AOPEP: variants seen among roughly 807,000 people sequenced by gnomAD.
AOPEP encodes aminopeptidase O.
Under a neutral mutation model 98.1 loss-of-function variants are expected in AOPEP, and 77 were observed. The ratio of observed to expected loss-of-function variants is 0.78; its 90% confidence interval spans 0.65 to 0.95. The LOEUF is 0.95. Among genes scored for constraint, AOPEP ranks in the 40% least tolerant of loss-of-function variants. The pLI is 0.00. For synonymous variants in AOPEP, 346 were observed against 365.3 expected (o/e 0.95, Z 0.60); for missense variants, 1,024 against 1,024.7 (o/e 1.00, Z 0.01).
intron 5 of AOPEP, among the ~76,000 whole-genome samples, chr9:94,843,528 T>G (rs1371137397): frequency 6.6e-6 from 1 of 152,194 alleles, no homozygotes; most frequent in Admixed American, 6.5e-5. Flanking sequence ...GTGTCTGGCA[T>G]CTAGAATAGG....
intron 10 of AOPEP, among the ~76,000 whole-genome samples, chr9:94,974,518 A>T (rs953381568): frequency 6.6e-6 from 1 of 152,214 alleles, no homozygotes; most frequent in African/African-American, 2.4e-5. Context: ...ATTCACGGAG[A>T]GGGCCTTTTG....
downstream of AOPEP, among the ~76,000 whole-genome samples, chr9:95,092,014 G>A (rs995844379): frequency 6.6e-6 from 1 of 152,114 alleles, no homozygotes; most frequent in Non-Finnish European, 1.5e-5. Flanking sequence ...ACCAGGCTGT[G>A]GCCTGAGAGA....
chr9:95,108,304 A>T, the AOPEP span, among the ~76,000 whole-genome samples: 5 of 151,296 alleles, frequency 3.3e-5, no homozygotes, highest in East Asian at 7.8e-4. Flanking sequence ...GGCAGGCCTC[A>T]CTCTCCCCAC....
At chr9:94,763,662 T>C (rs1394155221) in intron 2 of AOPEP, among the ~76,000 whole-genome samples, 1 of 151,920 alleles carries the variant, frequency 6.6e-6, no homozygotes, top group Admixed American at 6.6e-5. Flanking sequence ...ACAAGATGAG[T>C]CTGGAGCATC....
chr9:94,992,030 G>A (rs2060922235), intron 11 of AOPEP, among the ~76,000 whole-genome samples: 1 of 152,216 alleles, frequency 6.6e-6, no homozygotes, highest in African/African-American at 2.4e-5. Context: ...AGTGTATCTT[G>A]ATGTACATTT....
intron 5 of AOPEP, among the ~76,000 whole-genome samples, chr9:94,827,694 C>T (rs578208929): frequency 2.0e-4 from 30 of 152,160 alleles, no homozygotes; most frequent in Non-Finnish European, 3.8e-4. Context: ...CCAAATAGGA[C>T]ATTGAGCAAG....
At chr9:95,101,051 C>T in the AOPEP span, 3 of 234,302 alleles carry the variant, frequency 1.3e-5, no homozygotes, top group Non-Finnish European at 2.5e-5. Flanking sequence ...CCTGCCGGCT[C>T]CTCTGATGTC....
intron 5 of AOPEP, among the ~76,000 whole-genome samples, chr9:94,875,347 G>GAA (rs71366265): frequency 0.029 from 2,047 of 70,956 alleles, 43 homozygotes; most frequent in African/African-American, 0.045. Flanking sequence ...AATTGAGCAA[G>GAA]AAAAAAAAAA....
the AOPEP span, among the ~76,000 whole-genome samples, chr9:95,136,444 A>G: frequency 6.6e-5 from 10 of 152,168 alleles, no homozygotes; most frequent in Admixed American, 6.5e-4. Flanking sequence ...CTGGACCTTA[A>G]GTGTGATACT....
At chr9:94,761,605 A>T (rs1838316009) in intron 2 of AOPEP, among the ~76,000 whole-genome samples, 3 of 152,268 alleles carry the variant, frequency 2.0e-5, no homozygotes, top group Admixed American at 1.3e-4. Flanking sequence ...TTGCAGCTAT[A>T]GTTTTTTAAA....
chr9:95,049,697 A>G (rs1171059349), intron 13 of AOPEP, among the ~76,000 whole-genome samples: 1 of 152,216 alleles, frequency 6.6e-6, no homozygotes, highest in Non-Finnish European at 1.5e-5. Context: ...CATTTTTGCG[A>G]AATTTTTCTA....
chr9:95,016,879 G>A (rs1236084838), intron 13 of AOPEP, among the ~76,000 whole-genome samples: 1 of 151,782 alleles, frequency 6.6e-6, no homozygotes, highest in Non-Finnish European at 1.5e-5. Context: ...AGGATTACAG[G>A]CATGAGCCAC....
intron 5 of AOPEP, among the ~76,000 whole-genome samples, chr9:94,889,864 G>A (rs2048673571): frequency 6.6e-6 from 1 of 152,080 alleles, no homozygotes; most frequent in Non-Finnish European, 1.5e-5. Flanking sequence ...TGTAATTTTA[G>A]CCAATCAGAT....
chr9:94,906,006 G>A (rs1015963196), intron 5 of AOPEP, among the ~76,000 whole-genome samples: 26 of 152,078 alleles, frequency 1.7e-4, no homozygotes, highest in African/African-American at 6.3e-4. Flanking sequence ...ATCAAGACAG[G>A]GAAAGAAACG....
At chr9:94,857,847 T>A (rs1284323844) in intron 5 of AOPEP, among the ~76,000 whole-genome samples, 1 of 152,230 alleles carries the variant, frequency 6.6e-6, no homozygotes, top group Non-Finnish European at 1.5e-5. Context: ...TCTCTGTGGA[T>A]CCAAAAACAT....
chr9:94,848,677 G>C (rs1000299088), intron 5 of AOPEP, among the ~76,000 whole-genome samples: 15 of 151,970 alleles, frequency 9.9e-5, no homozygotes, highest in African/African-American at 3.6e-4. Context: ...AAAACATGGA[G>C]CTTGACTCGG....
At chr9:94,878,740 A>G (rs916095600) in intron 5 of AOPEP, among the ~76,000 whole-genome samples, 3 of 152,082 alleles carry the variant, frequency 2.0e-5, no homozygotes, top group Admixed American at 6.5e-5. Flanking sequence ...AGACAACCCA[A>G]TTGGCTCAGC....
At chr9:94,798,531 G>A (rs1847531920) in intron 4 of AOPEP, among the ~76,000 whole-genome samples, 1 of 152,130 alleles carries the variant, frequency 6.6e-6, no homozygotes, top group Non-Finnish European at 1.5e-5. Flanking sequence ...AGGGTTCTTG[G>A]CAGCAGGAAA....
intron 5 of AOPEP, among the ~76,000 whole-genome samples, chr9:94,818,358 A>G (rs923359337): frequency 6.6e-6 from 1 of 152,230 alleles, no homozygotes. Flanking sequence ...CTATCAACCC[A>G]ATGTCTAAAA....
Sources: allele counts gnomAD v4.1 joint callset (sites outside exome capture counted in the v4.1 genomes callset), GRCh38; gene constraint gnomAD v4.1.1; transcripts MANE v1.5; gene names NCBI Gene and HGNC (gene_info 2026-07-23, HGNC 2026-07-21).